TOPORS: variants seen among roughly 807,000 people sequenced by gnomAD.
TOPORS encodes the protein TOP1 binding arginine/serine rich protein, E3 ubiquitin ligase.
Under a neutral mutation model 81.4 loss-of-function variants are expected in TOPORS, and 25 were observed. The observed-to-expected ratio is 0.31, with a 90% CI of 0.22 to 0.43. The LOEUF is 0.43. Ranked by LOEUF, TOPORS falls within the 20% of genes least tolerant of loss-of-function variation. The probability of loss-of-function intolerance (pLI) is 1.00; values close to 1 mark genes in which losing one functional copy is unlikely to be tolerated. For synonymous variants in TOPORS, 473 were observed against 456.6 expected (o/e 1.04, Z -0.46); for missense variants, 1,101 against 1,267.0 (o/e 0.87, Z 1.99).
chr9:32,543,905 G>C lies in TOPORS; in HGVS notation c.620C>G (p.Pro207Arg). 6.2e-7 allele frequency: 1 copy of C among 1,613,908 alleles called. No individual in the cohort carries two copies. The highest frequency in any genetic ancestry group is 8.5e-7 in the Non-Finnish European group (1 of 1,179,856). The change falls in exon 3 of 3, where the codon CCG becomes CGG. Residue 207 changes from proline (P) to arginine (R), a missense_variant. By Grantham distance (103) the Pro-to-Arg change is moderately radical. This residue lies in a region of TOPORS where 120 missense variants were observed against 115.4 expected (regional missense o/e 1.04). Transcript: ENST00000360538. This position sits in a 1 kb window ranked among gnomAD's most constrained non-coding sequence, Gnocchi z 5.6. ...CCCTTCAAACAGTACTCCACTATCCGGTGGAGTTGTTGTTCTTCTGTTCAC... is the reference window on the plus strand; with the variant it reads ...CCCTTCAAACAGTACTCCACTATCCCGTGGAGTTGTTGTTCTTCTGTTCAC... ...GPVNRRTTTP[P>R]DSGVLFEGLG...
intron 2 of TOPORS, among the ~76,000 whole-genome samples, chr9:32,549,348 T>C (rs1821188613): frequency 6.6e-6 from 1 of 152,192 alleles, no homozygotes; most frequent in Non-Finnish European, 1.5e-5. Flanking sequence ...ATCTATGGCA[T>C]ACACTGTATA....
chr9:32,550,610 C>A (rs867770327), intron 2 of TOPORS, among the ~76,000 whole-genome samples, 164 bp downstream of exon 2: 1 of 152,128 alleles, frequency 6.6e-6, no homozygotes, highest in Non-Finnish European at 1.5e-5. Context: ...TCCACAGGTG[C>A]GCGCAGGAGC....
chr9:32,544,376 T>C lies in TOPORS; in HGVS notation c.199-50A>G, dbSNP rs560538954. 79 of 1,559,242 alleles carry C rather than the reference T, an allele frequency of 5.1e-5. 1 individual carries two copies. The South Asian group carries it at 8.4e-4, about 16-fold the overall frequency. On this transcript the variant is annotated intron_variant, in intron 2 of 2. Transcript: ENST00000360538. ...AGTAACCTGATAATAGAGGAATGAC[T>C]AAATAGTCTCAACAAAAATGCAAAT...
rs774773659 is a variant in TOPORS at position 32,542,223 on chromosome 9, T to G, written c.2302A>C (p.Arg768=). 4 of 1,614,112 alleles carry G rather than the reference T, an allele frequency of 2.5e-6. No homozygotes were observed. The highest frequency in any genetic ancestry group is 1.3e-5 in the African/African-American group (1 of 74,938). ...ERKYYYYERH[R]SRSLSSNRSR... ...CTGTTACTAGACAGGCTCCTTGATC[T>G]GTGCCTTTCATAGTAGTAATACTTC... is the stretch of plus-strand genomic sequence containing the variant. The change falls in exon 3 of 3, where the codon AGA becomes CGA. Residue 768 remains arginine (R), a synonymous_variant. Coordinates refer to ENST00000360538, the MANE Select transcript of TOPORS (RefSeq NM_005802.5).
At chr9:32,550,254 C>A (rs1821210419) in intron 2 of TOPORS, among the ~76,000 whole-genome samples, 1 of 152,192 alleles carries the variant, frequency 6.6e-6, no homozygotes, top group Non-Finnish European at 1.5e-5. Context: ...GAACAAGTCA[C>A]GGGCAATTTC....
In TOPORS at chr9:32,542,327, T is replaced by C. The variant is rs1250027937; in HGVS notation, c.2198A>G (p.Gln733Arg). 6.2e-7 allele frequency: 1 copy of C among 1,614,076 alleles called. No individual in the cohort carries two copies. The highest frequency in any genetic ancestry group is 8.5e-7 in the Non-Finnish European group (1 of 1,180,024). The change falls in exon 3 of 3, where the codon CAG becomes CGG. Residue 733 changes from glutamine to arginine, a missense_variant. Gln to Arg is a conservative substitution (Grantham distance 43, BLOSUM62 1). This residue lies in a region of TOPORS where 605 missense variants were observed against 636.1 expected (regional missense o/e 0.95). Coordinates refer to ENST00000360538, the MANE Select transcript of TOPORS (RefSeq NM_005802.5). ...AACTCTAAATTCTGGACTTGAAGACTGTCTAGAATAATGAGCTCTGGACAG... is the reference window on the plus strand; with the variant it reads ...AACTCTAAATTCTGGACTTGAAGACCGTCTAGAATAATGAGCTCTGGACAG... ...RTLSRAHYSRQSSSPEFRVQS... is the reference protein window; with the variant it reads ...RTLSRAHYSRRSSSPEFRVQS...
chr9:32,543,391 A>G lies in TOPORS; in HGVS notation c.1134T>C (p.Ala378=). The part of the protein sequence containing the change: ...FDQHANYDCP[A]PSYEEGSHSD... ...AATGGCTGCCTTCTTCGTATGAAGG[A>G]GCAGGGCAATCATAATTGGCATGCT... The change falls in exon 3 of 3, where the codon GCT becomes GCC. Residue 378 remains alanine, a synonymous_variant. Coordinates refer to ENST00000360538, the MANE Select transcript of TOPORS (RefSeq NM_005802.5). This position sits in a 1 kb window ranked among gnomAD's most constrained non-coding sequence, Gnocchi z 5.6. 6.2e-7 allele frequency: 1 copy of G among 1,614,010 alleles called. No homozygotes were observed. Among genetic ancestry groups the G allele is most frequent in the Non-Finnish European group, 8.5e-7 (1 of 1,179,892 alleles).
chr9:32,552,357 T>A (rs1265217100), intron 1 of TOPORS, 77 bp downstream of exon 1: 6 of 1,575,484 alleles, frequency 3.8e-6, no homozygotes, highest in Non-Finnish European at 5.2e-6. Context: ...TGCTGGCGCC[T>A]GGCAGCCACC....
At chr9:32,551,203 T>A in intron 1 of TOPORS, 1 of 610,876 alleles carries the variant, frequency 1.6e-6, no homozygotes, top group Non-Finnish European at 2.9e-6. Flanking sequence ...TTACTGGTAC[T>A]CAGCCACTGG....
Position 32,543,401 on chromosome 9 carries a change from T to G in TOPORS, c.1124A>C (p.Asp375Ala). ...TTCTTCGTATGAAGGAGCAGGGCAA[T>G]CATAATTGGCATGCTGGTCAAAGGC... ...MAAFDQHANY[D>A]CPAPSYEEGS... is the part of the protein sequence containing the mutation. The change falls in exon 3 of 3, where the codon GAT becomes GCT. Residue 375 changes from aspartate to alanine, a missense_variant. Physicochemically the swap from Asp to Ala is moderately radical, Grantham distance 126 (BLOSUM62 -2). Transcript: ENST00000360538. This position sits in a 1 kb window ranked among gnomAD's most constrained non-coding sequence, Gnocchi z 5.6. 4 of 1,613,804 alleles carry G rather than the reference T, an allele frequency of 2.5e-6. No homozygotes were observed. Among genetic ancestry groups the G allele is most frequent in the Non-Finnish European group, 3.4e-6 (4 of 1,179,772 alleles).
intron 2 of TOPORS, among the ~76,000 whole-genome samples, chr9:32,547,429 A>G (rs1821154569): frequency 6.6e-6 from 1 of 152,264 alleles, no homozygotes; most frequent in Admixed American, 6.5e-5. Context: ...TAGTCATAAT[A>G]CCTCAAAAGG....
Position 32,552,582 on chromosome 9 carries a change from G to C in TOPORS, c.-146C>G, listed in dbSNP as rs1370826658. 2 of 1,024,960 alleles carry C rather than the reference G, an allele frequency of 2.0e-6. No individual in the cohort carries two copies. The highest frequency in any genetic ancestry group is 2.0e-5 in the Admixed American group (1 of 50,180). 63.5% of individuals were successfully genotyped at this position (1,024,960 alleles called of 1,614,324 possible). ...CCCAGAAACTCCAAAATCCATTCCT[G>C]AATTAAGCATTTCACTCCCTCACCT... On this transcript the variant is annotated 5_prime_UTR_variant, in exon 1 of 3. Transcript: ENST00000360538.
Position 32,543,917 on chromosome 9 carries a change from GTTC to G in TOPORS, c.605_607del (p.Arg202del), listed in dbSNP as rs1201260382. The G allele has an allele frequency of 1.2e-6, 2 of 1,613,998 alleles. No homozygotes were observed. Among genetic ancestry groups the G allele is most frequent in the African/African-American group, 1.3e-5 (1 of 74,900 alleles). On this transcript the variant is annotated inframe_deletion, in exon 3 of 3. Transcript: ENST00000360538. The surrounding 1 kb of genome is among the most constrained non-coding windows in gnomAD (Gnocchi z 5.6). Reference sequence around the variant, plus strand: ...TACTCCACTATCCGGTGGAGTTGTTGTTCTTCTGTTCACAGGACCACTAGGTGA... The same window carrying G: ...TACTCCACTATCCGGTGGAGTTGTTGTTCTGTTCACAGGACCACTAGGTGA...
chr9:32,551,373 G>C, intron 1 of TOPORS: 1 of 341,086 alleles, frequency 2.9e-6, no homozygotes, highest in Non-Finnish European at 5.7e-6. Flanking sequence ...ACCTCCTGTT[G>C]TACGCCTCCC....
chr9:32,550,311 C>T (rs1306760281), intron 2 of TOPORS, among the ~76,000 whole-genome samples: 1 of 152,192 alleles, frequency 6.6e-6, no homozygotes, highest in East Asian at 1.9e-4. Flanking sequence ...ACTCCCAAAG[C>T]CACGGTGATA....
rs546918304 is a variant in TOPORS, at chr9:32,546,385, G to A, written c.199-2059C>T. ...GGAAGGAACAGAGAAAAGTTGGGAG[G>A]GAATCAAAGAGGTTATCAAAAGATC... is the stretch of plus-strand genomic sequence containing the variant. On this transcript the variant is annotated intron_variant, in intron 2 of 2. Transcript: ENST00000360538. Among the ~76,000 whole-genome samples, 4 of 152,102 alleles carry A rather than the reference G, an allele frequency of 2.6e-5. No individual in the cohort carries two copies. The South Asian group carries it at 6.2e-4, about 24-fold the overall frequency.
At chr9:32,552,385 A>G (rs748283065) in intron 1 of TOPORS, 49 bp downstream of exon 1, 17 of 1,605,406 alleles carry the variant, frequency 1.1e-5, no homozygotes, top group Non-Finnish European at 1.4e-5. Flanking sequence ...AGGTTACTGT[A>G]AGGCCCGCAG....
At chr9:32,551,271 T>A (rs1357641850) in intron 1 of TOPORS, 1 of 548,648 alleles carries the variant, frequency 1.8e-6, no homozygotes, top group Non-Finnish European at 3.3e-6. Flanking sequence ...ACTAGTTCGA[T>A]GTCGTTTCAA....
In TOPORS at chr9:32,541,323, AGAC is replaced by A; in HGVS notation, c.*61_*63del. The A allele has an allele frequency of 6.6e-7, 1 of 1,519,680 alleles. No individual in the cohort carries two copies. The highest frequency in any genetic ancestry group is 9.1e-7 in the Non-Finnish European group (1 of 1,100,142). 94.1% of individuals were successfully genotyped at this position (1,519,680 alleles called of 1,614,324 possible). A position where few individuals can be genotyped will look rare whatever the true frequency, so the allele number is the denominator to read the frequency against. On this transcript the variant is annotated 3_prime_UTR_variant, in exon 3 of 3. Transcript: ENST00000360538. Reference sequence around the variant, plus strand: ...ATGTCATCTTTAAATAGACTGCAGTAGACGACATTCTTCCTTTTTCCTTTTTAT... The same window carrying A: ...ATGTCATCTTTAAATAGACTGCAGTAGACATTCTTCCTTTTTCCTTTTTAT...
Sources: allele counts gnomAD v4.1 joint callset (sites outside exome capture counted in the v4.1 genomes callset), GRCh38; gene constraint gnomAD v4.1.1; regional missense constraint gnomAD v4.1.1; non-coding constraint Gnocchi (gnomAD v3.1); transcripts MANE v1.5; gene names NCBI Gene and HGNC (gene_info 2026-07-23, HGNC 2026-07-21).